The following RCBTB1 variants were observed in gnomAD, a reference collection of about 807,000 sequenced individuals.
RCBTB1 encodes RCC1 and BTB domain containing protein 1, also known as RCC1 and BTB domain-containing protein 1.
RCBTB1 carries 46 observed loss-of-function variants against 62.4 expected under a neutral mutation model. The ratio of observed to expected loss-of-function variants is 0.74; its 90% CI spans 0.58 to 0.94. RCBTB1 has a LOEUF of 0.94. RCBTB1 is among the 40% of genes least tolerant of loss of function. The probability of loss-of-function intolerance (pLI) is 0.00; values close to 1 mark genes in which losing one functional copy is unlikely to be tolerated. For missense variants in RCBTB1, 565 were observed against 654.9 expected (o/e 0.86, Z 1.50); for synonymous variants, 222 against 245.8 (o/e 0.90, Z 0.91).
chr13:49,544,286 A>C (rs1960628557), intron 10 of RCBTB1, among the ~76,000 whole-genome samples: 1 of 152,116 alleles, frequency 6.6e-6, no homozygotes, highest in Non-Finnish European at 1.5e-5. Context: ...CCTGACCAAC[A>C]TGGAGAAACC....
chr13:49,552,163 G>A lies in RCBTB1; in HGVS notation c.711+15C>T, dbSNP rs1245313515. 1.3e-6 allele frequency: 2 copies of A among 1,519,566 alleles called. No homozygotes were observed. The highest frequency in any genetic ancestry group is 1.2e-5 in the South Asian group (1 of 84,194). The allele number at this position is 1,519,566 out of a possible 1,614,324, so 94.1% of individuals were successfully genotyped here. On this transcript the variant is annotated intron_variant, in intron 7 of 12. Coordinates refer to ENST00000378302, the MANE Select transcript of RCBTB1 (RefSeq NM_018191.4). ...GTAGATGGGAAGCCACTAACTGAGA[G>A]TGCACCACACGTACCTGGTTCACAC...
intron 1 of RCBTB1, among the ~76,000 whole-genome samples, chr13:49,581,278 G>T (rs1266934763): frequency 6.6e-6 from 1 of 152,134 alleles, no homozygotes; most frequent in African/African-American, 2.4e-5. Flanking sequence ...CTAGGGAAAT[G>T]GAGAAAATTG....
chr13:49,567,230 T>C lies in RCBTB1; in HGVS notation c.50A>G (p.Glu17Gly). ...WPIFTLLSPQ[E>G]IASIRKACVF... The stretch of plus-strand genomic sequence containing the variant: ...ACACGCCTTCCGAATAGACGCGATC[T>C]CTTGAGGGGAGAGTAGAGTGAAGAT... Residue 17 changes from glutamate to glycine, a missense_variant, in exon 3 of 13, where the codon GAG becomes GGG. Physicochemically the swap from Glu to Gly is moderately conservative, Grantham distance 98. Coordinates refer to ENST00000378302, the MANE Select transcript of RCBTB1 (RefSeq NM_018191.4). 2 of 1,614,008 alleles carry C rather than the reference T, an allele frequency of 1.2e-6. No individual in the cohort carries two copies. The highest frequency in any genetic ancestry group is 1.7e-6 in the Non-Finnish European group (2 of 1,179,966).
At chr13:49,566,069 C>G (rs9591281) in intron 4 of RCBTB1, among the ~76,000 whole-genome samples, 5 of 148,664 alleles carry the variant, frequency 3.4e-5, no homozygotes, top group Non-Finnish European at 7.4e-5. Context: ...GCAGCATGCT[C>G]GTTAAGAGTC....
At chr13:49,547,555 A>G (rs1008926968) in intron 9 of RCBTB1, among the ~76,000 whole-genome samples, 4 of 152,234 alleles carry the variant, frequency 2.6e-5, no homozygotes, top group Admixed American at 2.6e-4. Flanking sequence ...TCACCTTGTA[A>G]ATGGCTACTC....
At chr13:49,571,489 T>G (rs903742137) in intron 2 of RCBTB1, among the ~76,000 whole-genome samples, 3 of 152,204 alleles carry the variant, frequency 2.0e-5, no homozygotes, top group African/African-American at 7.2e-5. Flanking sequence ...AGAGAACACA[T>G]GTGACCTCTG....
chr13:49,560,075 A>C lies in RCBTB1; in HGVS notation c.287T>G (p.Val96Gly). The change falls in exon 5 of 13, where the codon GTT (valine) becomes GGT (glycine). Residue 96 changes from valine (V) to glycine (G), a missense_variant. Transcript: ENST00000378302. ...ATATCCATTGTGGCCCCAGGCATAA[A>C]CCACTCCATCTGTGCACACAAAGCA... ...HVLLSTEDGV[V>G]YAWGHNGYSQ... 1 of 1,613,526 alleles carries C rather than the reference A, an allele frequency of 6.2e-7. No individual in the cohort carries two copies. Among genetic ancestry groups the C allele is most frequent in the Non-Finnish European group, 8.5e-7 (1 of 1,179,804 alleles).
intron 1 of RCBTB1, among the ~76,000 whole-genome samples, chr13:49,583,838 C>T (rs1289982274): frequency 6.6e-6 from 1 of 152,176 alleles, no homozygotes; most frequent in African/African-American, 2.4e-5. Context: ...TAAGCCACTG[C>T]GCCTGGCCAA....
intron 1 of RCBTB1, among the ~76,000 whole-genome samples, chr13:49,583,186 A>C (rs1964205194): frequency 6.6e-6 from 1 of 152,102 alleles, no homozygotes; most frequent in Non-Finnish European, 1.5e-5. Flanking sequence ...AAAAGAAAAA[A>C]GTGGAGTGGA....
At position 49,549,553 on chromosome 13, in the gene RCBTB1, GACTGACCCCGGC is replaced by G. The variant is rs1381922157; in HGVS notation, c.938_949del (p.Cys313_Gln316del). The G allele has an allele frequency of 6.2e-7, 1 of 1,614,040 alleles. No individual in the cohort carries two copies. The highest frequency in any genetic ancestry group is 2.2e-5 in the East Asian group (1 of 44,882). On this transcript the variant is annotated inframe_deletion, in exon 9 of 13. Transcript: ENST00000378302. ...GTGGGTGAGGTGCGGGAGGATCACG[GACTGACCCCGGC>G]ACTGGCCCCACATGTACACGTGCCC...
chr13:49,556,196 GTTT>G (rs56970196), intron 5 of RCBTB1, among the ~76,000 whole-genome samples: 4 of 129,470 alleles, frequency 3.1e-5, no homozygotes, highest in Non-Finnish European at 4.9e-5. Context: ...TTTTGCTTTG[GTTT>G]TTTTTTTTTT....
chr13:49,573,518 G>T (rs11148152), intron 2 of RCBTB1, among the ~76,000 whole-genome samples: 33,488 of 145,462 alleles, frequency 0.23, 4,614 homozygotes, highest in East Asian at 0.55. Context: ...GCACGATCTT[G>T]GCTCACTGCA....
chr13:49,541,853 T>C (rs1420548749), intron 10 of RCBTB1, 26 bp from the exon 11 acceptor site: 1 of 1,576,018 alleles, frequency 6.3e-7, no homozygotes, highest in Non-Finnish European at 8.6e-7. Flanking sequence ...AAAAGTCTTA[T>C]TTGTTCAGCA....
chr13:49,566,613 C>G lies in RCBTB1; in HGVS notation c.277+5G>C. The G allele has an allele frequency of 6.2e-7, 1 of 1,611,384 alleles. No individual in the cohort carries two copies. Among genetic ancestry groups the G allele is most frequent in the African/African-American group, 1.3e-5 (1 of 74,600 alleles). On this transcript the variant is annotated splice_donor_5th_base_variant and intron_variant, in intron 4 of 12. Transcript: ENST00000378302. ...ACTGAAAAGTTAGATGGGTTCCCTC[C>G]TTACCTTCGGTGCTGAGAAGAACAT...
At position 49,541,014 on chromosome 13, in the gene RCBTB1, T is replaced by C; in HGVS notation, c.1325-8A>G. 6.2e-7 allele frequency: 1 copy of C among 1,608,208 alleles called. No individual in the cohort carries two copies. The highest frequency in any genetic ancestry group is 8.5e-7 in the Non-Finnish European group (1 of 1,178,988). On this transcript the variant is annotated splice_polypyrimidine_tract_variant and splice_region_variant and intron_variant, in intron 11 of 12. Transcript: ENST00000378302. The stretch of plus-strand genomic sequence containing the variant: ...TCGCCAAATCCAGAAGACCTAAAAG[T>C]AAAATATGTGAAAGGTTTAATCAAA...
intron 12 of RCBTB1, among the ~76,000 whole-genome samples, 175 bp from the exon 13 acceptor site, chr13:49,534,437 A>G (rs990050390): frequency 3.3e-5 from 5 of 152,142 alleles, no homozygotes; most frequent in Non-Finnish European, 5.9e-5. Context: ...TGAGAAAAAC[A>G]CATACTATTT....
At chr13:49,554,175 T>TA (rs1405245766) in intron 6 of RCBTB1, among the ~76,000 whole-genome samples, 1 of 152,018 alleles carries the variant, frequency 6.6e-6, no homozygotes, top group Admixed American at 6.5e-5. Flanking sequence ...CCCATTTTTT[T>TA]AAAAAAAGAT....
At chr13:49,564,613 C>T (rs1279057409) in intron 4 of RCBTB1, among the ~76,000 whole-genome samples, 1 of 127,572 alleles carries the variant, frequency 7.8e-6, no homozygotes, top group Non-Finnish European at 1.6e-5. Flanking sequence ...AAAAAAATGC[C>T]GGGCGCGGTG....
At chr13:49,583,047 C>T (rs1008020360) in intron 1 of RCBTB1, among the ~76,000 whole-genome samples, 1 of 152,018 alleles carries the variant, frequency 6.6e-6, no homozygotes, top group African/African-American at 2.4e-5. Flanking sequence ...TGTGGTGGTG[C>T]GCACCTGTGG....
Sources: gnomAD v4.1 joint callset for allele counts (sites outside exome capture counted in the v4.1 genomes callset) on GRCh38, gnomAD v4.1.1 for gene constraint, MANE v1.5 for transcripts, NCBI Gene and HGNC (gene_info 2026-07-23, HGNC 2026-07-21) for gene names.